ZNF841: variants seen among roughly 807,000 people sequenced by gnomAD.
The protein encoded by ZNF841 is TCONS_00006091.
Under a neutral mutation model 13.0 loss-of-function variants are expected in ZNF841, and 11 were observed. That is an observed-to-expected ratio of 0.85 (90% confidence interval 0.53 to 1.40). The LOEUF (loss-of-function observed/expected upper bound fraction) is 1.40, where lower values mean the gene tolerates loss of function less well. ZNF841 is among the 40% of genes most tolerant of loss of function. The pLI is 0.00. For missense variants in ZNF841, 1,068 were observed against 1,139.5 expected (o/e 0.94, Z 0.90); for synonymous variants, 369 against 381.6 (o/e 0.97, Z 0.38).
chr19:52,069,364 C>T (rs753708989), intron 6 of ZNF841, among the ~76,000 whole-genome samples: 15 of 152,246 alleles, frequency 9.9e-5, no homozygotes, highest in Non-Finnish European at 1.8e-4. Context: ...CATGAGCCAC[C>T]GTGCCCAGTC....
Position 52,067,333 on chromosome 19 carries a change from C to T in ZNF841, c.549G>A (p.Gln183=), listed in dbSNP as rs61742061. The T allele has an allele frequency of 0.011, 16,750 of 1,550,776 alleles. 1,240 individuals are homozygous for T. In the African/African-American group the frequency reaches 0.18, roughly 17 times the overall value. ...GACCGGACTGAAACCTTAATATAAGCTGATTTTCCATATGCTTGTTTTCTA... is the reference window on the plus strand; with the variant it reads ...GACCGGACTGAAACCTTAATATAAGTTGATTTTCCATATGCTTGTTTTCTA... ...GDVENKHMEN[Q]LILRFQSGLG... The change falls in exon 7 of 7, where the codon CAG becomes CAA. Residue 183 remains glutamine (Q), a synonymous_variant. Coordinates refer to ENST00000594440, the MANE Select transcript of ZNF841 (RefSeq NM_001136499.2).
chr19:52,072,200 G>A (rs376511567), intron 6 of ZNF841, among the ~76,000 whole-genome samples: 18 of 152,218 alleles, frequency 1.2e-4, no homozygotes, highest in Admixed American at 3.9e-4. Context: ...CAAAATTAAC[G>A]TAACTAAAGG....
At chr19:52,062,999 C>A (rs941960473), downstream of ZNF841, among the ~76,000 whole-genome samples, 2 of 151,688 alleles carry the variant, frequency 1.3e-5, no homozygotes, top group African/African-American at 4.8e-5. Context: ...CCTCAGCCTC[C>A]TAAGTAGCTG....
At position 52,076,122 on chromosome 19, in the gene ZNF841, C is replaced by G; in HGVS notation, c.193G>C (p.Glu65Gln). The G allele has an allele frequency of 6.4e-7, 1 of 1,557,166 alleles. No homozygotes were observed. The highest frequency in any genetic ancestry group is 1.9e-5 in the Admixed American group (1 of 51,648). ...NIISMLEQGK[E>Q]PWTVVSQVKI... ...ACTTGGCTCACCACAGTCCAGGGCTCTTTCCCTTGCTCCAACATGGAGATA... is the reference window on the plus strand; with the variant it reads ...ACTTGGCTCACCACAGTCCAGGGCTGTTTCCCTTGCTCCAACATGGAGATA... The change falls in exon 6 of 7, where the codon GAG (glutamate) becomes CAG (glutamine). Residue 65 changes from glutamate to glutamine, a missense_variant. Glu to Gln is a conservative substitution (Grantham distance 29, BLOSUM62 2). Coordinates refer to ENST00000594440, the MANE Select transcript of ZNF841 (RefSeq NM_001136499.2).
intron 4 of ZNF841, among the ~76,000 whole-genome samples, chr19:52,082,450 C>A (rs2088131454): frequency 2.0e-5 from 3 of 152,030 alleles, no homozygotes; most frequent in Middle Eastern, 3.2e-3. Flanking sequence ...AAGATTCAAT[C>A]AAAAAAATTC....
In ZNF841 at chr19:52,065,840, T is replaced by A. The variant is rs764533758; in HGVS notation, c.2042A>T (p.Tyr681Phe). 2.5e-6 allele frequency: 4 copies of A among 1,613,798 alleles called. No individual in the cohort carries two copies. Among genetic ancestry groups the A allele is most frequent in the Non-Finnish European group, 2.5e-6 (3 of 1,179,848 alleles). ...AGCCTCACCAAATTCATTACAGTGG[T>A]AAGGGTTCTCTCCAGTATGAATTAC... ...HLVIHTGENP[Y>F]HCNEFGEAFI... is the part of the protein sequence containing the mutation. Residue 681 changes from tyrosine (Y) to phenylalanine (F), a missense_variant, in exon 7 of 7, where the codon TAC becomes TTC. Transcript: ENST00000594440.
chr19:52,082,762 TA>T (rs758722709), intron 4 of ZNF841, among the ~76,000 whole-genome samples: 7 of 152,198 alleles, frequency 4.6e-5, no homozygotes, highest in Non-Finnish European at 7.3e-5. Flanking sequence ...CAAAATACGC[TA>T]TTAGTGTTTA....
intron 1 of ZNF841, chr19:52,094,184 T>A (rs1028669170): frequency 6.6e-6 from 1 of 152,204 alleles, no homozygotes. Context: ...TCCAAATATC[T>A]TTTGATACAA....
chr19:52,067,733 TGATC>T, intron 6 of ZNF841, 123 bp from the exon 7 acceptor site: 1 of 602,164 alleles, frequency 1.7e-6, no homozygotes. Context: ...TTTTCTACCA[TGATC>T]TTCTATTTGT....
At chr19:52,083,767 A>G (rs2088176397) in intron 4 of ZNF841, among the ~76,000 whole-genome samples, 1 of 97,364 alleles carries the variant, frequency 1.0e-5, no homozygotes, top group African/African-American at 6.8e-5. Flanking sequence ...TATAGATAGT[A>G]AAAAACTCAC....
rs528046509 is a variant in ZNF841 at position 52,095,563 on chromosome 19, TCTC to T, written c.-270+9_-270+11del. 7.9e-5 allele frequency: 12 copies of T among 152,366 alleles called. No homozygotes were observed. The highest frequency in any genetic ancestry group is 6.2e-4 in the South Asian group (3 of 4,816). 9.4% of individuals were successfully genotyped at this position (152,366 alleles called of 1,614,324 possible). A position where few individuals can be genotyped will look rare whatever the true frequency, so the allele number is the denominator to read the frequency against. ...GATTTTAAACCGAAAGGGAAGCAAT[TCTC>T]CTACTTACTTGGGACGAAGGGGCTG... On this transcript the variant is annotated intron_variant, in intron 1 of 6. Coordinates refer to ENST00000594440, the MANE Select transcript of ZNF841 (RefSeq NM_001136499.2).
chr19:52,064,149 C>A (rs556754414), downstream of ZNF841, among the ~76,000 whole-genome samples: 2 of 151,328 alleles, frequency 1.3e-5, no homozygotes, highest in South Asian at 2.1e-4. Flanking sequence ...TCGAGACCAT[C>A]CTGGCTAACA....
downstream of ZNF841, among the ~76,000 whole-genome samples, chr19:52,062,227 CA>C (rs1250631762): frequency 6.6e-6 from 1 of 152,108 alleles, no homozygotes; most frequent in Non-Finnish European, 1.5e-5. Flanking sequence ...TGTCAATTTA[CA>C]AAGATGATTT....
Position 52,065,022 on chromosome 19 carries a change from A to C in ZNF841, c.*85T>G. ...ATCCAATCACCTCCCACTAGGCTCC[A>C]CCTCCAATACTGGAGATTACTACAA... On this transcript the variant is annotated 3_prime_UTR_variant, in exon 7 of 7. Transcript: ENST00000594440. 4 of 1,246,656 alleles carry C rather than the reference A, an allele frequency of 3.2e-6. No individual in the cohort carries two copies. Among genetic ancestry groups the C allele is most frequent in the East Asian group, 2.6e-5 (1 of 37,924 alleles). 77.2% of individuals were successfully genotyped at this position (1,246,656 alleles called of 1,614,324 possible).
In ZNF841 at chr19:52,067,072, G is replaced by A; in HGVS notation, c.810C>T (p.Phe270=). The A allele has an allele frequency of 1.2e-6, 2 of 1,608,038 alleles. No individual in the cohort carries two copies. Among genetic ancestry groups the A allele is most frequent in the Non-Finnish European group, 1.7e-6 (2 of 1,176,546 alleles). Residue 270 remains phenylalanine, a synonymous_variant, in exon 7 of 7, where the codon TTC becomes TTT. Coordinates refer to ENST00000594440, the MANE Select transcript of ZNF841 (RefSeq NM_001136499.2). ...PYIGNECGKA[F]RVSSSLINHQ... ...GATTAATAAGACTTGAAGACACTCT[G>A]AAGGCTTTGCCACACTCATTACCTA...
In ZNF841 at chr19:52,065,431, T is replaced by C; in HGVS notation, c.2451A>G (p.Gly817=). ...ILLNHQMMHT[G]EKPYKCNECG... Reference sequence around the variant, plus strand: ...ATTCATTACATTTATAAGGTTTCTCTCCAGTATGCATCATCTGATGATTAA... The same window carrying C: ...ATTCATTACATTTATAAGGTTTCTCCCCAGTATGCATCATCTGATGATTAA... Residue 817 remains glycine (G), a synonymous_variant, in exon 7 of 7, where the codon GGA becomes GGG. Coordinates refer to ENST00000594440, the MANE Select transcript of ZNF841 (RefSeq NM_001136499.2). 1.9e-6 allele frequency: 3 copies of C among 1,613,860 alleles called. No homozygotes were observed. Among genetic ancestry groups the C allele is most frequent in the Non-Finnish European group, 2.5e-6 (3 of 1,179,912 alleles).
Position 52,066,470 on chromosome 19 carries a change from C to T in ZNF841, c.1412G>A (p.Arg471His), listed in dbSNP as rs747286187. 56 of 1,611,226 alleles carry T rather than the reference C, an allele frequency of 3.5e-5. 1 individual carries two copies. In the Middle Eastern group the frequency reaches 1.5e-3, roughly 43 times the overall value. Reference sequence around the variant, plus strand: ...ATGAATTCTCCGGTGCCCTGCAAGACGTGAACGTTGAAAGAAGACCTTGCC... The same window carrying T: ...ATGAATTCTCCGGTGCCCTGCAAGATGTGAACGTTGAAAGAAGACCTTGCC... ...ECGKVFFQRS[R>H]LAGHRRIHTG... is the part of the protein sequence containing the mutation. The change falls in exon 7 of 7, where the codon CGT becomes CAT. Residue 471 changes from arginine to histidine, a missense_variant. Coordinates refer to ENST00000594440, the MANE Select transcript of ZNF841 (RefSeq NM_001136499.2).
At chr19:52,073,294 T>G (rs544851019) in intron 6 of ZNF841, among the ~76,000 whole-genome samples, 11 of 150,950 alleles carry the variant, frequency 7.3e-5, no homozygotes, top group South Asian at 2.1e-4. Context: ...CAAGTTGTTG[T>G]TTTTTTTTCT....
chr19:52,073,140 T>C (rs1214155771), intron 6 of ZNF841, among the ~76,000 whole-genome samples: 1 of 152,174 alleles, frequency 6.6e-6, no homozygotes, highest in Non-Finnish European at 1.5e-5. Context: ...AAAAACTGGC[T>C]AGCCATATAT....
Sources: gnomAD v4.1 joint callset for allele counts (sites outside exome capture counted in the v4.1 genomes callset) on GRCh38, gnomAD v4.1.1 for gene constraint, MANE v1.5 for transcripts, NCBI Gene and HGNC (gene_info 2026-07-23, HGNC 2026-07-21) for gene names.